FNIP1: variants seen among roughly 807,000 people sequenced by gnomAD.
FNIP1 encodes the protein folliculin interacting protein 1.
In FNIP1, 40 loss-of-function variants were observed where a neutral mutation model predicts 124.5. The observed-to-expected ratio is 0.32, with a 90% CI of 0.25 to 0.42. The LOEUF is 0.42. Among genes scored for constraint, FNIP1 ranks in the 10% least tolerant of loss-of-function variants. The pLI is 1.00. For missense variants in FNIP1, 1,176 were observed against 1,403.7 expected, an observed-to-expected ratio of 0.84 and a Z score of 2.59; for synonymous variants, 472 against 470.6, an observed-to-expected ratio of 1.00 and a Z score of -0.04.
intron 1 of FNIP1, among the ~76,000 whole-genome samples, chr5:131,769,811 G>A (rs905971686): frequency 5.9e-5 from 9 of 152,260 alleles, no homozygotes; most frequent in East Asian, 3.9e-4. Flanking sequence ...AAGCAATTAC[G>A]ACTGCTTTTC....
At chr5:131,786,378 T>C (rs1772220175) in intron 1 of FNIP1, among the ~76,000 whole-genome samples, 3 of 152,112 alleles carry the variant, frequency 2.0e-5, no homozygotes, top group East Asian at 1.9e-4. Context: ...TCTGCCACAA[T>C]GAAGAAATAC....
At chr5:131,735,058 C>G (rs997595764) in intron 2 of FNIP1, among the ~76,000 whole-genome samples, 2 of 152,114 alleles carry the variant, frequency 1.3e-5, no homozygotes, top group African/African-American at 4.8e-5. Context: ...TGGAACCAAC[C>G]CAAATGTCCA....
At position 131,672,770 on chromosome 5, in the gene FNIP1, T is replaced by G; in HGVS notation, c.1674A>C (p.Glu558Asp). The change falls in exon 14 of 18, where the codon GAA (glutamate) becomes GAC (aspartate). Residue 558 changes from glutamate (E) to aspartate (D), a missense_variant. This residue lies in a region of FNIP1 where 1,109 missense variants were observed against 1,288.5 expected (regional missense o/e 0.86). Coordinates refer to ENST00000510461, the MANE Select transcript of FNIP1 (RefSeq NM_133372.3). ...TGCCTGGCATAACGATGGCTTCATC[T>G]TCTCCATTTTCTAAAAGATGCGTTT... ...LQETHLLENGEDEAIVMPGTV... is the reference protein window; with the variant it reads ...LQETHLLENGDDEAIVMPGTV... The G allele has an allele frequency of 6.2e-7, 1 of 1,613,526 alleles. No individual in the cohort carries two copies.
At chr5:131,676,537 C>T (rs1294433622) in intron 13 of FNIP1, among the ~76,000 whole-genome samples, 1 of 152,010 alleles carries the variant, frequency 6.6e-6, no homozygotes, top group Non-Finnish European at 1.5e-5. Flanking sequence ...ATGAGCAGAT[C>T]GCTTGAGTCT....
Position 131,779,760 on chromosome 5 carries a change from C to CA in FNIP1, c.92+17069dup, listed in dbSNP as rs944438754. 1.8e-3 allele frequency among the ~76,000 whole-genome samples: 255 copies of CA among 143,648 alleles called. 1 individual carries two copies. The highest frequency in any genetic ancestry group is 4.3e-3 in the African/African-American group (168 of 39,030). The allele number at this position is 143,648 out of a possible 152,430, so 94.2% of individuals were successfully genotyped here. On this transcript the variant is annotated intron_variant, in intron 1 of 17. Coordinates refer to ENST00000510461, the MANE Select transcript of FNIP1 (RefSeq NM_133372.3). ...ATTTGTTTTAAAATACAGTACCAAC[C>CA]AAAAAAAAACAGTAATAGTATTAAT...
At chr5:131,663,069 A>G (rs1767491509) in intron 15 of FNIP1, among the ~76,000 whole-genome samples, 1 of 152,072 alleles carries the variant, frequency 6.6e-6, no homozygotes, top group African/African-American at 2.4e-5. Context: ...CTTATAAATC[A>G]TTTACCATCT....
chr5:131,658,040 C>CAAAAAA (rs543062745), intron 15 of FNIP1, among the ~76,000 whole-genome samples: 1 of 57,314 alleles, frequency 1.7e-5, no homozygotes, highest in Admixed American at 2.1e-4. Flanking sequence ...GACTCCATCT[C>CAAAAAA]AAAAAAAAAA....
chr5:131,698,467 C>T (rs1768780618), intron 11 of FNIP1, among the ~76,000 whole-genome samples: 1 of 152,200 alleles, frequency 6.6e-6, no homozygotes, highest in South Asian at 2.1e-4. Context: ...AGCGGAAGGA[C>T]TATTCACTGT....
chr5:131,761,342 C>G (rs1771224013), intron 1 of FNIP1, among the ~76,000 whole-genome samples: 1 of 152,126 alleles, frequency 6.6e-6, no homozygotes, highest in Non-Finnish European at 1.5e-5. Flanking sequence ...TTAAGCTTGT[C>G]TGCAGAGACA....
At chr5:131,677,920 C>A in intron 12 of FNIP1, 48 bp from the exon 13 acceptor site, 2 of 1,568,420 alleles carry the variant, frequency 1.3e-6, no homozygotes, top group Non-Finnish European at 1.7e-6. Flanking sequence ...CTTCATGAAA[C>A]CTTAGGTAAA....
At chr5:131,737,550 A>T (rs1770354852) in intron 2 of FNIP1, among the ~76,000 whole-genome samples, 1 of 152,170 alleles carries the variant, frequency 6.6e-6, no homozygotes, top group Non-Finnish European at 1.5e-5. Context: ...AGCTTAAAAT[A>T]TCACTTTCTT....
chr5:131,738,072 CTTTTT>C (rs1283715676), intron 2 of FNIP1, among the ~76,000 whole-genome samples: 1 of 151,856 alleles, frequency 6.6e-6, no homozygotes. Context: ...TTTTGCTTTT[CTTTTT>C]TTTAAGAGTT....
chr5:131,666,917 G>T (rs1006268286), intron 15 of FNIP1, among the ~76,000 whole-genome samples: 1 of 152,090 alleles, frequency 6.6e-6, no homozygotes, highest in Admixed American at 6.6e-5. Flanking sequence ...AAGCAACTAG[G>T]ATCAGACATA....
At chr5:131,720,491 G>C (rs975626617) in intron 3 of FNIP1, among the ~76,000 whole-genome samples, 1 of 152,054 alleles carries the variant, frequency 6.6e-6, no homozygotes, top group African/African-American at 2.4e-5. Context: ...AAACAGACAA[G>C]TGGGACTACA....
chr5:131,672,359 T>C lies in FNIP1; in HGVS notation c.2085A>G (p.Ser695=), dbSNP rs1192647310. The C allele has an allele frequency of 6.2e-7, 1 of 1,614,246 alleles. No individual in the cohort carries two copies. Among genetic ancestry groups the C allele is most frequent in the Non-Finnish European group, 8.5e-7 (1 of 1,180,040 alleles). ...CCTCTGTTGACTCTAAGCCTGACTC[T>C]GACAATGCACATTTGTCTACTGGAA... ...GSVPVDKCAL[S]ESGLESTEET... The change falls in exon 14 of 18, where the codon TCA becomes TCG. Residue 695 remains serine (S), a synonymous_variant. Coordinates refer to ENST00000510461, the MANE Select transcript of FNIP1 (RefSeq NM_133372.3).
chr5:131,784,979 T>C (rs1341384320), intron 1 of FNIP1, among the ~76,000 whole-genome samples: 3 of 143,348 alleles, frequency 2.1e-5, no homozygotes, highest in Non-Finnish European at 4.5e-5. Flanking sequence ...TATAACTATA[T>C]ATATATCATA....
intron 11 of FNIP1, among the ~76,000 whole-genome samples, chr5:131,691,581 A>G (rs1768482290): frequency 6.6e-6 from 1 of 152,200 alleles, no homozygotes; most frequent in Admixed American, 6.5e-5. Flanking sequence ...TTAAGCCTTT[A>G]TCAGGAAACC....
chr5:131,681,952 T>C (rs1287188792), intron 11 of FNIP1, among the ~76,000 whole-genome samples: 1 of 152,088 alleles, frequency 6.6e-6, no homozygotes, highest in East Asian at 1.9e-4. Context: ...AATGAGGAAA[T>C]AGCAACATTT....
chr5:131,712,877 C>G (rs2149538306), intron 6 of FNIP1, among the ~76,000 whole-genome samples: 1 of 152,290 alleles, frequency 6.6e-6, no homozygotes, highest in East Asian at 1.9e-4. Context: ...TCTATTCTCC[C>G]CACTGAAACT....
Sources: allele counts gnomAD v4.1 joint callset (sites outside exome capture counted in the v4.1 genomes callset), GRCh38; gene constraint gnomAD v4.1.1; regional missense constraint gnomAD v4.1.1; transcripts MANE v1.5; gene names NCBI Gene and HGNC (gene_info 2026-07-23, HGNC 2026-07-21).